The following GOLGA4 variants were observed in gnomAD, a reference collection of about 807,000 sequenced individuals.
GOLGA4 encodes golgin A4.
Under a neutral mutation model 265.9 loss-of-function variants are expected in GOLGA4, and 169 were observed. The ratio of observed to expected loss-of-function variants is 0.64; its 90% CI spans 0.56 to 0.72. The LOEUF is 0.72. Ranked by LOEUF, GOLGA4 falls within the 30% of genes least tolerant of loss-of-function variation. The pLI, the probability that GOLGA4 is intolerant of heterozygous loss-of-function variation, is 0.00. For synonymous variants in GOLGA4, 923 were observed against 855.8 expected (o/e 1.08, Z -1.37); for missense variants, 2,482 against 2,483.4 (o/e 1.00, Z 0.01).
intron 5 of GOLGA4, among the ~76,000 whole-genome samples, chr3:37,290,806 A>G (rs1019147270): frequency 2.0e-5 from 3 of 152,164 alleles, no homozygotes; most frequent in African/African-American, 7.2e-5. Flanking sequence ...GTAGGAAGTG[A>G]GAGAATGATA....
chr3:37,295,979 G>T, intron 6 of GOLGA4, 108 bp from the exon 7 acceptor site: 2 of 902,198 alleles, frequency 2.2e-6, no homozygotes, highest in Non-Finnish European at 3.6e-6. Context: ...TGCGGATTTT[G>T]GTATTAACAG....
chr3:37,315,806 G>A (rs867265175), intron 11 of GOLGA4, among the ~76,000 whole-genome samples: 1 of 152,272 alleles, frequency 6.6e-6, no homozygotes. Context: ...TTTCTCTCCA[G>A]TGGACTATGT....
Position 37,302,171 on chromosome 3 carries a change from T to A in GOLGA4, c.1087-14T>A, listed in dbSNP as rs774914595. ...TTGTTATGCAAATGTTTTAGAGTCTTCACTTCTATTCAGGGAATGGTAATC... is the reference window on the plus strand; with the variant it reads ...TTGTTATGCAAATGTTTTAGAGTCTACACTTCTATTCAGGGAATGGTAATC... On this transcript the variant is annotated splice_polypyrimidine_tract_variant and intron_variant, in intron 9 of 23. Coordinates refer to ENST00000361924, the MANE Select transcript of GOLGA4 (RefSeq NM_002078.5). 19 of 1,609,520 alleles carry A rather than the reference T, an allele frequency of 1.2e-5. No individual in the cohort carries two copies. The highest frequency in any genetic ancestry group is 3.3e-5 in the Admixed American group (2 of 59,834).
chr3:37,280,843 T>C (rs558705199), intron 2 of GOLGA4, among the ~76,000 whole-genome samples: 1 of 152,362 alleles, frequency 6.6e-6, no homozygotes, highest in African/African-American at 2.4e-5. Context: ...TAAATTTGTG[T>C]GTATGAAGGT....
intron 2 of GOLGA4, among the ~76,000 whole-genome samples, chr3:37,262,146 A>G (rs2096771325): frequency 1.3e-5 from 2 of 152,238 alleles, no homozygotes; most frequent in Admixed American, 6.5e-5. Context: ...AGAACAGAAA[A>G]TTGTAGAAGA....
intron 14 of GOLGA4, 146 bp from the exon 15 acceptor site, chr3:37,328,264 ACACACT>A (rs2096978483): frequency 8.3e-5 from 57 of 687,118 alleles, no homozygotes; most frequent in Non-Finnish European, 1.1e-4. Context: ...ACACACACAC[ACACACT>A]CACTCTCACA....
chr3:37,353,106 G>C (rs563156971), intron 21 of GOLGA4, among the ~76,000 whole-genome samples: 1 of 152,066 alleles, frequency 6.6e-6, no homozygotes, highest in African/African-American at 2.4e-5. Context: ...CAACATTTTT[G>C]GATTAAGTCC....
chr3:37,289,202 T>C lies in GOLGA4; in HGVS notation c.526-33T>C, dbSNP rs747797916. 5.3e-6 allele frequency: 7 copies of C among 1,321,626 alleles called. No homozygotes were observed. The Admixed American group carries it at 1.2e-4, about 23-fold the overall frequency. 81.9% of individuals were successfully genotyped at this position (1,321,626 alleles called of 1,614,324 possible). On this transcript the variant is annotated intron_variant, in intron 4 of 23. Coordinates refer to ENST00000361924, the MANE Select transcript of GOLGA4 (RefSeq NM_002078.5). ...ATTTACTATGTCATACAGTTAGCTGTTTAACCAGCTTTTTTTTCTCTCTCA... is the reference window on the plus strand; with the variant it reads ...ATTTACTATGTCATACAGTTAGCTGCTTAACCAGCTTTTTTTTCTCTCTCA...
intron 19 of GOLGA4, among the ~76,000 whole-genome samples, chr3:37,339,171 C>CT (rs2097024592): frequency 6.6e-6 from 1 of 151,960 alleles, no homozygotes; most frequent in South Asian, 2.1e-4. Context: ...CTGTGTCGGG[C>CT]TTTTTTTCAG....
At chr3:37,285,408 A>C (rs906980201) in intron 3 of GOLGA4, among the ~76,000 whole-genome samples, 1 of 152,226 alleles carries the variant, frequency 6.6e-6, no homozygotes, top group Non-Finnish European at 1.5e-5. Context: ...TAAATGGTTA[A>C]ATATCTCTTT....
At position 37,323,796 on chromosome 3, in the gene GOLGA4, A is replaced by G. The variant is rs1205091299; in HGVS notation, c.1910A>G (p.Gln637Arg). 6.2e-7 allele frequency: 1 copy of G among 1,609,364 alleles called. No individual in the cohort carries two copies. The highest frequency in any genetic ancestry group is 8.5e-7 in the Non-Finnish European group (1 of 1,178,938). Reference sequence around the variant, plus strand: ...GAAAAACTCCAAGTCTTAAAGCAACAATATCAGACTGAAATGGAAAAACTT... The same window carrying G: ...GAAAAACTCCAAGTCTTAAAGCAACGATATCAGACTGAAATGGAAAAACTT... ...WTEKLQVLKQ[Q>R]YQTEMEKLRE... Residue 637 changes from glutamine (Q) to arginine (R), a missense_variant, in exon 14 of 24, where the codon CAA becomes CGA. Physicochemically the swap from Gln to Arg is conservative, Grantham distance 43 (BLOSUM62 1). Transcript: ENST00000361924.
intron 22 of GOLGA4, among the ~76,000 whole-genome samples, chr3:37,356,193 G>A (rs767425320): frequency 6.6e-5 from 10 of 152,096 alleles, no homozygotes; most frequent in Non-Finnish European, 1.2e-4. Flanking sequence ...TCTGGGGATG[G>A]CCTAGATGGA....
intron 1 of GOLGA4, among the ~76,000 whole-genome samples, chr3:37,248,887 T>C (rs1452159282): frequency 1.3e-5 from 2 of 152,206 alleles, no homozygotes; most frequent in Admixed American, 1.3e-4. Flanking sequence ...TTTCCTGGCA[T>C]CTGGATATTT....
intron 16 of GOLGA4, among the ~76,000 whole-genome samples, chr3:37,334,440 A>G (rs1253625110): frequency 1.3e-5 from 2 of 152,166 alleles, no homozygotes; most frequent in South Asian, 4.1e-4. Flanking sequence ...GTAAATACAT[A>G]GGAGATGTGC....
chr3:37,255,154 CATT>C (rs201094032), intron 2 of GOLGA4, among the ~76,000 whole-genome samples: 8 of 151,000 alleles, frequency 5.3e-5, no homozygotes, highest in African/African-American at 1.2e-4. Flanking sequence ...TTGTTGTCAT[CATT>C]ATTATTATTA....
intron 17 of GOLGA4, among the ~76,000 whole-genome samples, chr3:37,336,558 C>G (rs1034065677): frequency 6.0e-5 from 9 of 150,728 alleles, no homozygotes; most frequent in Non-Finnish European, 5.9e-5. Context: ...GTCGGGAGTT[C>G]GAGACCAGCC....
intron 9 of GOLGA4, among the ~76,000 whole-genome samples, chr3:37,301,914 G>A (rs1427253912): frequency 6.6e-6 from 1 of 152,040 alleles, no homozygotes; most frequent in African/African-American, 2.4e-5. Context: ...TCAGCCTCCT[G>A]AGTAGCTGGG....
chr3:37,282,256 G>A lies in GOLGA4; in HGVS notation c.461G>A (p.Arg154Lys). 6.2e-7 allele frequency: 1 copy of A among 1,613,716 alleles called. No individual in the cohort carries two copies. The highest frequency in any genetic ancestry group is 1.1e-5 in the South Asian group (1 of 91,042). The change falls in exon 3 of 24, where the codon AGG becomes AAG. Residue 154 changes from arginine (R) to lysine (K), a missense_variant. By Grantham distance (26) the Arg-to-Lys change is conservative. This residue lies in a region of GOLGA4 where 1,536 missense variants were observed against 1,483.7 expected (regional missense o/e 1.04). Coordinates refer to ENST00000361924, the MANE Select transcript of GOLGA4 (RefSeq NM_002078.5). ...ATGGAACGAAGCTTAAGTAGCTACA[G>A]GGGAAAATATTCTGAGGTAGGAGCA... The part of the protein sequence containing the change: ...RRMERSLSSY[R>K]GKYSELVTAY...
At chr3:37,357,650 A>G (rs1031850729) in intron 22 of GOLGA4, among the ~76,000 whole-genome samples, 15 of 152,214 alleles carry the variant, frequency 9.9e-5, no homozygotes, top group Non-Finnish European at 2.1e-4. Context: ...AGTATAAGAA[A>G]GTTGAAGCAA....
Sources: allele counts gnomAD v4.1 joint callset (sites outside exome capture counted in the v4.1 genomes callset), GRCh38; gene constraint gnomAD v4.1.1; regional missense constraint gnomAD v4.1.1; transcripts MANE v1.5; gene names NCBI Gene and HGNC (gene_info 2026-07-23, HGNC 2026-07-21).